Variants in TOX3 observed in about 807,000 individuals in gnomAD.
TOX3 encodes TOX high mobility group box family member 3, also known as CAG trinucleotide repeat-containing gene F9 protein.
A neutral mutation model predicts 64.3 loss-of-function variants in TOX3; 22 were observed. The observed-to-expected ratio is 0.34, with a 90% CI of 0.24 to 0.49. TOX3 has a LOEUF of 0.49. Ranked by LOEUF, TOX3 falls within the 20% of genes least tolerant of loss-of-function variation. TOX3 has a pLI of 0.99. For missense variants in TOX3, 661 were observed against 714.4 expected, an observed-to-expected ratio of 0.93 and a Z score of 0.85; for synonymous variants, 291 against 273.6, an observed-to-expected ratio of 1.06 and a Z score of -0.63.
At chr16:52,538,852 C>T in intron 1 of TOX3, among the ~76,000 whole-genome samples, 1 of 152,002 alleles carries the variant, frequency 6.6e-6, no homozygotes, top group Non-Finnish European at 1.5e-5. Context: ...AGGATACAAA[C>T]CTAGGAAACA....
intron 1 of TOX3, among the ~76,000 whole-genome samples, chr16:52,515,786 G>A (rs1265253378): frequency 6.6e-6 from 1 of 152,106 alleles, no homozygotes; most frequent in Non-Finnish European, 1.5e-5. Flanking sequence ...TTCCTTTTAA[G>A]GATATCTATA....
intron 1 of TOX3, among the ~76,000 whole-genome samples, chr16:52,522,394 G>C (rs1262647877): frequency 6.6e-6 from 1 of 152,140 alleles, no homozygotes; most frequent in Non-Finnish European, 1.5e-5. Context: ...GGTTCCCCTT[G>C]AAAAATCAGG....
At chr16:52,528,508 G>A (rs2151482854) in intron 1 of TOX3, among the ~76,000 whole-genome samples, 1 of 152,086 alleles carries the variant, frequency 6.6e-6, no homozygotes, top group East Asian at 1.9e-4. Flanking sequence ...AGAGATCACA[G>A]GGCCAATAAA....
intron 1 of TOX3, among the ~76,000 whole-genome samples, chr16:52,491,271 A>T (rs1353501500): frequency 6.6e-6 from 1 of 151,870 alleles, no homozygotes; most frequent in South Asian, 2.1e-4. Context: ...TTCTGTTAAC[A>T]TCCAATGGGG....
At chr16:52,539,914 G>A (rs762852137) in intron 1 of TOX3, among the ~76,000 whole-genome samples, 2 of 151,850 alleles carry the variant, frequency 1.3e-5, no homozygotes, top group Non-Finnish European at 2.9e-5. Context: ...CTTTTCTTTT[G>A]CATCCAAATT....
At chr16:52,459,976 C>G (rs980531834) in intron 3 of TOX3, among the ~76,000 whole-genome samples, 7 of 151,902 alleles carry the variant, frequency 4.6e-5, no homozygotes. Context: ...TGCCATTTTT[C>G]TATCAAAAAT....
At chr16:52,487,749 T>C (rs931320903) in intron 1 of TOX3, among the ~76,000 whole-genome samples, 13 of 152,198 alleles carry the variant, frequency 8.5e-5, no homozygotes, top group African/African-American at 2.2e-4. Flanking sequence ...AAATATTAAC[T>C]GGGAATTTAA....
At chr16:52,512,443 A>G (rs1962336347) in intron 1 of TOX3, among the ~76,000 whole-genome samples, 1 of 152,212 alleles carries the variant, frequency 6.6e-6, no homozygotes, top group African/African-American at 2.4e-5. Context: ...ATTTACTCAG[A>G]GCATAGTTGC....
At chr16:52,475,910 T>C (rs1961194410) in intron 1 of TOX3, among the ~76,000 whole-genome samples, 1 of 152,200 alleles carries the variant, frequency 6.6e-6, no homozygotes, top group African/African-American at 2.4e-5. Flanking sequence ...TTTAACCAGC[T>C]TTGAAGGAAC....
chr16:52,437,921 A>G lies in TOX3; in HGVS notation c.*1304T>C, dbSNP rs1444975889. ...CCATAAATATCATATTTCCAATTGA[A>G]AAATGGAAGATGATGTTTGGGCTAA... On this transcript the variant is annotated 3_prime_UTR_variant, in exon 7 of 7. Transcript: ENST00000219746. 1.3e-5 allele frequency: 2 copies of G among 152,638 alleles called. No homozygotes were observed. The highest frequency in any genetic ancestry group is 2.9e-5 in the Non-Finnish European group (2 of 68,030). 9.5% of individuals were successfully genotyped at this position (152,638 alleles called of 1,614,324 possible).
At chr16:52,459,467 G>A (rs1314995353) in intron 3 of TOX3, among the ~76,000 whole-genome samples, 4 of 152,082 alleles carry the variant, frequency 2.6e-5, no homozygotes, top group Non-Finnish European at 5.9e-5. Flanking sequence ...TTTTTGCCTA[G>A]GTAAGTTGTG....
chr16:52,519,521 C>G (rs1277782038), intron 1 of TOX3: 15 of 1,548,466 alleles, frequency 9.7e-6, no homozygotes, highest in Non-Finnish European at 1.2e-5. Flanking sequence ...TCCTCTCTAC[C>G]CTCTTCTGAC....
intron 1 of TOX3, among the ~76,000 whole-genome samples, chr16:52,472,460 T>A (rs950473333): frequency 2.7e-4 from 41 of 152,190 alleles, no homozygotes; most frequent in Non-Finnish European, 1.0e-4. Flanking sequence ...AATATCCTAA[T>A]TTTACACCAT....
chr16:52,455,331 A>G (rs938168284), intron 3 of TOX3, among the ~76,000 whole-genome samples: 2 of 152,050 alleles, frequency 1.3e-5, no homozygotes, highest in Non-Finnish European at 2.9e-5. Context: ...TAGAATATTT[A>G]GCAGCATCTC....
chr16:52,543,496 A>C (rs991693546), intron 1 of TOX3, among the ~76,000 whole-genome samples: 10 of 152,230 alleles, frequency 6.6e-5, no homozygotes, highest in Non-Finnish European at 1.5e-4. Flanking sequence ...AGGAAAGAAA[A>C]ATTACAAATA....
chr16:52,517,703 T>C (rs1962494791), intron 1 of TOX3, among the ~76,000 whole-genome samples: 1 of 152,162 alleles, frequency 6.6e-6, no homozygotes, highest in South Asian at 2.1e-4. Flanking sequence ...ATTGGAACTA[T>C]TGCAATCTGA....
At chr16:52,541,308 C>T (rs984739643) in intron 1 of TOX3, among the ~76,000 whole-genome samples, 2 of 152,122 alleles carry the variant, frequency 1.3e-5, no homozygotes, top group Non-Finnish European at 2.9e-5. Flanking sequence ...GTAACCTTTC[C>T]GGGTTTGAGC....
chr16:52,451,339 G>A (rs1273033329), intron 3 of TOX3, among the ~76,000 whole-genome samples: 1 of 152,128 alleles, frequency 6.6e-6, no homozygotes, highest in Non-Finnish European at 1.5e-5. Flanking sequence ...AAAGATGGTA[G>A]AAACCATCAG....
intron 1 of TOX3, among the ~76,000 whole-genome samples, chr16:52,481,995 A>T (rs1396857850): frequency 6.6e-6 from 1 of 152,216 alleles, no homozygotes; most frequent in Non-Finnish European, 1.5e-5. Flanking sequence ...CAAAATCTGT[A>T]ACTTAAGATT....
Sources: allele counts gnomAD v4.1 joint callset (sites outside exome capture counted in the v4.1 genomes callset), GRCh38; gene constraint gnomAD v4.1.1; transcripts MANE v1.5; gene names NCBI Gene and HGNC (gene_info 2026-07-23, HGNC 2026-07-21).